The following STK32A variants were observed in gnomAD, a reference collection of about 807,000 sequenced individuals.
STK32A encodes serine/threonine kinase 32A.
Under a neutral mutation model 53.2 loss-of-function variants are expected in STK32A, and 41 were observed. That is an observed-to-expected ratio of 0.77 (90% CI 0.60 to 1.00). STK32A has a LOEUF of 1.00. Ranked by LOEUF, STK32A falls within the 50% of genes least tolerant of loss-of-function variation. The pLI is 0.00. For missense variants in STK32A, 458 were observed against 485.8 expected (o/e 0.94, Z 0.54); for synonymous variants, 166 against 162.8 (o/e 1.02, Z -0.15).
chr5:147,357,661 T>A (rs10079272), intron 7 of STK32A, among the ~76,000 whole-genome samples: 36,291 of 151,952 alleles, frequency 0.24, 5,301 homozygotes, highest in African/African-American at 0.41. Flanking sequence ...CTTTGATGCT[T>A]TTCTTAGCAA....
chr5:147,248,556 T>C (rs1384029452), intron 2 of STK32A, among the ~76,000 whole-genome samples: 2 of 152,214 alleles, frequency 1.3e-5, no homozygotes, highest in South Asian at 2.1e-4. Flanking sequence ...ATTTATTCGA[T>C]TGAGGAGCAT....
chr5:147,324,551 T>C (rs1245358856), intron 5 of STK32A, among the ~76,000 whole-genome samples: 1 of 152,172 alleles, frequency 6.6e-6, no homozygotes, highest in Non-Finnish European at 1.5e-5. Context: ...CAATGTCTTC[T>C]GCATTTAGAG....
intron 2 of STK32A, among the ~76,000 whole-genome samples, chr5:147,271,015 T>G (rs201571229): frequency 7.1e-6 from 1 of 141,824 alleles, no homozygotes; most frequent in Non-Finnish European, 1.5e-5. Context: ...TTTTTTTTTT[T>G]GACGGTGTCT....
At chr5:147,254,808 C>T (rs938410685) in intron 2 of STK32A, among the ~76,000 whole-genome samples, 2 of 151,988 alleles carry the variant, frequency 1.3e-5, no homozygotes, top group Non-Finnish European at 2.9e-5. Flanking sequence ...CAGGGTGGAG[C>T]AATCAAAAAG....
intron 2 of STK32A, among the ~76,000 whole-genome samples, chr5:147,265,104 T>C (rs1754745952): frequency 1.4e-5 from 2 of 147,044 alleles, no homozygotes; most frequent in African/African-American, 2.5e-5. Flanking sequence ...TGTGTATATA[T>C]ATATATCTTA....
chr5:147,346,534 G>A (rs959695919), intron 6 of STK32A, among the ~76,000 whole-genome samples: 5 of 152,170 alleles, frequency 3.3e-5, no homozygotes, highest in Admixed American at 6.5e-5. Context: ...AATCCACTGT[G>A]TGAATATTTC....
At chr5:147,340,295 T>G (rs1246025797) in intron 5 of STK32A, among the ~76,000 whole-genome samples, 3 of 152,202 alleles carry the variant, frequency 2.0e-5, no homozygotes, top group South Asian at 4.1e-4. Flanking sequence ...GTCACTCTGG[T>G]CTGAATGCCC....
At chr5:147,280,266 G>A (rs1243431760) in intron 4 of STK32A, among the ~76,000 whole-genome samples, 1 of 152,102 alleles carries the variant, frequency 6.6e-6, no homozygotes, top group East Asian at 1.9e-4. Flanking sequence ...GAACTCAGGA[G>A]AGGGCACAAA....
At chr5:147,271,631 C>A (rs1027152498) in intron 2 of STK32A, among the ~76,000 whole-genome samples, 2 of 152,114 alleles carry the variant, frequency 1.3e-5, no homozygotes, top group African/African-American at 4.8e-5. Context: ...AGAGAATGTG[C>A]CCCTGAGGGT....
chr5:147,239,712 TA>T (rs776109733), intron 2 of STK32A, 26 bp downstream of exon 2: 4 of 1,578,528 alleles, frequency 2.5e-6, no homozygotes, highest in Admixed American at 1.8e-5. Context: ...TAGTGGCATA[TA>T]AAAAATAGAA....
intron 2 of STK32A, among the ~76,000 whole-genome samples, chr5:147,262,746 A>G (rs546714976): frequency 6.6e-6 from 1 of 152,292 alleles, no homozygotes; most frequent in South Asian, 2.1e-4. Context: ...CAGGCAGAAG[A>G]GCTTCACTAT....
intron 5 of STK32A, among the ~76,000 whole-genome samples, chr5:147,328,569 G>C (rs538119786): frequency 6.6e-6 from 1 of 152,262 alleles, no homozygotes; most frequent in African/African-American, 2.4e-5. Flanking sequence ...TGTGAGTACA[G>C]CTTGAAAATC....
intron 2 of STK32A, among the ~76,000 whole-genome samples, chr5:147,251,511 A>G (rs927585601): frequency 3.9e-5 from 6 of 152,124 alleles, no homozygotes; most frequent in Admixed American, 1.3e-4. Flanking sequence ...TAGATCCGGA[A>G]TCTTGATCTA....
intron 4 of STK32A, among the ~76,000 whole-genome samples, chr5:147,285,931 C>G (rs908625225): frequency 1.3e-5 from 2 of 152,106 alleles, no homozygotes; most frequent in African/African-American, 4.8e-5. Flanking sequence ...ATCCAGCAAT[C>G]CCTCTACTGG....
intron 4 of STK32A, among the ~76,000 whole-genome samples, chr5:147,304,579 C>G (rs55668100): frequency 6.6e-6 from 1 of 152,020 alleles, no homozygotes; most frequent in Admixed American, 6.6e-5. Context: ...GGGAAAGAGA[C>G]TAGATGGAAC....
intron 5 of STK32A, among the ~76,000 whole-genome samples, chr5:147,341,488 T>A (rs926642186): frequency 1.3e-5 from 2 of 152,104 alleles, no homozygotes; most frequent in African/African-American, 2.4e-5. Flanking sequence ...ATTAGAAAAA[T>A]TTTTTGAGTA....
intron 11 of STK32A, 130 bp from the exon 12 acceptor site, chr5:147,383,311 T>C (rs1757524753): frequency 6.6e-6 from 5 of 756,340 alleles, no homozygotes; most frequent in Non-Finnish European, 1.1e-5. Flanking sequence ...AGCATCCATT[T>C]TGAAGATACT....
At chr5:147,253,297 T>A (rs1051497648) in intron 2 of STK32A, among the ~76,000 whole-genome samples, 8 of 152,092 alleles carry the variant, frequency 5.3e-5, no homozygotes, top group Middle Eastern at 3.2e-3. Context: ...TGAAAAAAAA[T>A]TTGTGGCATG....
intron 2 of STK32A, among the ~76,000 whole-genome samples, chr5:147,258,875 C>A (rs529059124): frequency 2.0e-5 from 3 of 152,138 alleles, no homozygotes; most frequent in South Asian, 2.1e-4. Flanking sequence ...ATTAATAAGA[C>A]CTTGTTTAGT....
Sources: allele counts gnomAD v4.1 joint callset (sites outside exome capture counted in the v4.1 genomes callset), GRCh38; gene constraint gnomAD v4.1.1; transcripts MANE v1.5; gene names NCBI Gene and HGNC (gene_info 2026-07-23, HGNC 2026-07-21).